HAUS5: variants seen among roughly 807,000 people sequenced by gnomAD.
HAUS5 encodes HAUS augmin like complex subunit 5, also known as HAUS augmin-like complex subunit 5.
Under a neutral mutation model 94.1 loss-of-function variants are expected in HAUS5, and 67 were observed. That is an observed-to-expected ratio of 0.71 (90% confidence interval 0.58 to 0.87). The LOEUF (loss-of-function observed/expected upper bound fraction) is 0.87, where lower values mean the gene tolerates loss of function less well. HAUS5 is among the 40% of genes least tolerant of loss of function. The pLI is 0.00. For missense variants in HAUS5, 739 were observed against 825.6 expected (o/e 0.90, Z 1.29); for synonymous variants, 339 against 355.4 (o/e 0.95, Z 0.52).
rs770278802 is a variant in HAUS5, at chr19:35,618,481, G to A, written c.885+16G>A. The stretch of plus-strand genomic sequence containing the variant: ...TCTCATCCAGGTGACCCCAGGGCTC[G>A]CCTCCCCACCACATTCCAAGACTTC... On this transcript the variant is annotated intron_variant, in intron 11 of 18. Coordinates refer to ENST00000203166, the MANE Select transcript of HAUS5 (RefSeq NM_015302.2). 1.7e-5 allele frequency: 27 copies of A among 1,613,630 alleles called. No homozygotes were observed. Among genetic ancestry groups the A allele is most frequent in the African/African-American group, 2.7e-5 (2 of 74,848 alleles).
At position 35,619,446 on chromosome 19, in the gene HAUS5, G is replaced by T; in HGVS notation, c.1202G>T (p.Arg401Leu). The change falls in exon 14 of 19, where the codon CGC (arginine) becomes CTC (leucine). Residue 401 changes from arginine to leucine, a missense_variant. Arg to Leu is a moderately radical substitution (Grantham distance 102). Coordinates refer to ENST00000203166, the MANE Select transcript of HAUS5 (RefSeq NM_015302.2). The part of the protein sequence containing the change: ...QLVEETQEQV[R>L]LLIKGNSASK... ...CAGGAGGAGACCCAGGAACAGGTCC[G>T]CCTGCTCATCAAGGGAAACTCGGCC... The T allele has an allele frequency of 6.2e-7, 1 of 1,604,436 alleles. No individual in the cohort carries two copies. The highest frequency in any genetic ancestry group is 8.5e-7 in the Non-Finnish European group (1 of 1,174,852).
rs533664027 is a variant in HAUS5, at chr19:35,623,902, C to T, written c.*909C>T. On this transcript the variant is annotated 3_prime_UTR_variant, in exon 19 of 19. Coordinates refer to ENST00000203166, the MANE Select transcript of HAUS5 (RefSeq NM_015302.2). ...GTCTTAAGGCCTGTGCATTTCACTG[C>T]GTGGGTTACTCAATTTATAAAGCAA... The T allele has an allele frequency of 3.3e-5, 5 of 152,220 alleles. No homozygotes were observed. In the East Asian group the frequency reaches 5.8e-4, roughly 18 times the overall value. 9.4% of individuals were successfully genotyped at this position (152,220 alleles called of 1,614,324 possible). A position where few individuals can be genotyped will look rare whatever the true frequency, so the allele number is the denominator to read the frequency against.
rs1033961675 is a variant in HAUS5 at position 35,619,029 on chromosome 19, C to G, written c.1159C>G (p.Leu387Val). The G allele has an allele frequency of 3.7e-6, 6 of 1,600,358 alleles. No individual in the cohort carries two copies. In the Admixed American group the frequency reaches 1.0e-4, roughly 28 times the overall value. The change falls in exon 13 of 19, where the codon CTG becomes GTG. Residue 387 changes from leucine (L) to valine (V), a missense_variant. Transcript: ENST00000203166. Reference protein sequence around the residue: ...RELQAKQQRILHWRQLVEETQ... With the variant: ...RELQAKQQRIVHWRQLVEETQ... ...GCTACAGGCCAAACAGCAGCGGATC[C>G]TGCACTGGCGCCAGCTGGTGGTGAG...
intron 12 of HAUS5, 51 bp from the exon 13 acceptor site, chr19:35,618,836 G>T: frequency 6.4e-7 from 1 of 1,551,114 alleles, no homozygotes; most frequent in Non-Finnish European, 8.7e-7. Context: ...ATGGTCCCTT[G>T]TGTGGCTCAG....
At chr19:35,616,488 T>C (rs2071944588) in intron 6 of HAUS5, among the ~76,000 whole-genome samples, 1 of 152,072 alleles carries the variant, frequency 6.6e-6, no homozygotes, top group African/African-American at 2.4e-5. Context: ...CTGTTAACCA[T>C]TGTTATTCTG....
rs573744368 is a variant in HAUS5, at chr19:35,617,188, G to A, written c.550G>A (p.Val184Ile). ...TSAALGLEPV[V>I]LRDVRTACTL... is the part of the protein sequence containing the mutation. ...GGCAGCTCTGGGCCTGGAGCCCGTG[G>A]TCCTGGTAAGAGTCCTGGTCATGGG... Residue 184 changes from valine (V) to isoleucine (I), a missense_variant, in exon 7 of 19, where the codon GTC (valine) becomes ATC (isoleucine). Val to Ile is a conservative substitution (Grantham distance 29, BLOSUM62 3). Transcript: ENST00000203166. The A allele has an allele frequency of 3.5e-5, 56 of 1,613,820 alleles. No individual in the cohort carries two copies. The South Asian group carries it at 5.7e-4, about 16-fold the overall frequency.
At chr19:35,614,990 G>A in intron 4 of HAUS5, 52 bp from the exon 5 acceptor site, 1 of 1,388,070 alleles carries the variant, frequency 7.2e-7, no homozygotes. Context: ...CCAAAAGACA[G>A]GCCAGGCTGA....
rs768994059 is a variant in HAUS5 at position 35,618,131 on chromosome 19, G to A, written c.757G>A (p.Glu253Lys). ...GGCTGCCTTGGAGCACCTGGCTGCA[G>A]AGCGGGAGGCAGAGATTCGGTCCCT... ...VLAALEHLAA[E>K]REAEIRSLCS... Residue 253 changes from glutamate to lysine, a missense_variant, in exon 10 of 19, where the codon GAG (glutamate) becomes AAG (lysine). Coordinates refer to ENST00000203166, the MANE Select transcript of HAUS5 (RefSeq NM_015302.2). 1 of 1,610,062 alleles carries A rather than the reference G, an allele frequency of 6.2e-7. No individual in the cohort carries two copies. Among genetic ancestry groups the A allele is most frequent in the Non-Finnish European group, 8.5e-7 (1 of 1,177,210 alleles).
chr19:35,622,198 C>G (rs1375072084), intron 17 of HAUS5, among the ~76,000 whole-genome samples: 1 of 152,006 alleles, frequency 6.6e-6, no homozygotes, highest in Non-Finnish European at 1.5e-5. Context: ...ATTTAGGCTT[C>G]AGGAAGATCA....
chr19:35,620,877 C>T (rs1599599197), intron 17 of HAUS5, among the ~76,000 whole-genome samples: 1 of 152,174 alleles, frequency 6.6e-6, no homozygotes, highest in Non-Finnish European at 1.5e-5. Flanking sequence ...TGATTAGCAT[C>T]ATTGTCTGTG....
chr19:35,622,025 G>A (rs1237717256), intron 17 of HAUS5, among the ~76,000 whole-genome samples: 3 of 152,196 alleles, frequency 2.0e-5, no homozygotes, highest in African/African-American at 7.2e-5. Flanking sequence ...GAGCGAGAGT[G>A]TTGGAGGGGC....
chr19:35,614,333 C>T, intron 4 of HAUS5: 1 of 506,220 alleles, frequency 2.0e-6, no homozygotes, highest in Non-Finnish European at 3.6e-6. Context: ...GCGATCAGTA[C>T]TGGGACAAAG....
rs780365704 is a variant in HAUS5, at chr19:35,615,105, G to A, written c.283G>A (p.Asp95Asn). 2.2e-5 allele frequency: 36 copies of A among 1,608,668 alleles called. No individual in the cohort carries two copies. Among genetic ancestry groups the A allele is most frequent in the Middle Eastern group, 1.6e-4 (1 of 6,078 alleles). The change falls in exon 5 of 19, where the codon GAC (aspartate) becomes AAC (asparagine). Residue 95 changes from aspartate (D) to asparagine (N), a missense_variant. Asp to Asn is a conservative substitution (Grantham distance 23, BLOSUM62 1). Transcript: ENST00000203166. ...TRLRAEIQELDQSLELMERDT... is the reference protein window; with the variant it reads ...TRLRAEIQELNQSLELMERDT... ...CCTGCGGGCAGAAATCCAGGAACTC[G>A]ACCAGAGCCTGGAGCTGATGGAGCG...
intron 8 of HAUS5, 137 bp from the exon 9 acceptor site, chr19:35,617,718 A>C (rs908483540): frequency 1.3e-6 from 1 of 754,186 alleles, no homozygotes; most frequent in Admixed American, 2.1e-5. Context: ...CAAAGCCAGC[A>C]GGTTGGTATA....
chr19:35,614,148 C>G, intron 4 of HAUS5, 89 bp downstream of exon 4: 2 of 1,194,294 alleles, frequency 1.7e-6, no homozygotes, highest in Non-Finnish European at 2.5e-6. Context: ...CTGGGTGATG[C>G]TGGGGACAAT....
rs374526420 is a variant in HAUS5 at position 35,620,188 on chromosome 19, C to T, written c.1519-7C>T. 132 of 1,613,048 alleles carry T rather than the reference C, an allele frequency of 8.2e-5. No homozygotes were observed. Among genetic ancestry groups the T allele is most frequent in the Non-Finnish European group, 1.0e-4 (119 of 1,179,320 alleles). ...CCCCAGGTGACCGTCCTTCCCTCCT[C>T]CTCCAGGCCTCGGAGCTGCTCCTGC... On this transcript the variant is annotated splice_polypyrimidine_tract_variant and splice_region_variant and intron_variant, in intron 16 of 18. Coordinates refer to ENST00000203166, the MANE Select transcript of HAUS5 (RefSeq NM_015302.2).
chr19:35,619,718 C>T lies in HAUS5; in HGVS notation c.1366C>T (p.His456Tyr). 6.4e-7 allele frequency: 1 copy of T among 1,568,418 alleles called. No individual in the cohort carries two copies. ...CLEEEVRHLP[H>Y]ILLGTLLRHR... ...GGAGGAGGAAGTCCGGCATTTGCCC[C>T]ACATTCTGTTGGGCACGCTGCTGCG... The change falls in exon 15 of 19, where the codon CAC becomes TAC. Residue 456 changes from histidine (H) to tyrosine (Y), a missense_variant. Coordinates refer to ENST00000203166, the MANE Select transcript of HAUS5 (RefSeq NM_015302.2).
At chr19:35,614,151 G>C in intron 4 of HAUS5, 92 bp downstream of exon 4, 1 of 1,119,210 alleles carries the variant, frequency 8.9e-7, no homozygotes, top group Non-Finnish European at 1.4e-6. Flanking sequence ...GGTGATGCTG[G>C]GGACAATGGG....
intron 15 of HAUS5, 84 bp from the exon 16 acceptor site, chr19:35,619,928 T>A: frequency 6.5e-7 from 1 of 1,548,226 alleles, no homozygotes; most frequent in East Asian, 2.3e-5. Context: ...CAGACCCACC[T>A]TGAAGTTCCT....
Sources: allele counts gnomAD v4.1 joint callset (sites outside exome capture counted in the v4.1 genomes callset), GRCh38; gene constraint gnomAD v4.1.1; transcripts MANE v1.5; gene names NCBI Gene and HGNC (gene_info 2026-07-23, HGNC 2026-07-21).